Variants in FGF13 observed in about 807,000 individuals in gnomAD.
FGF13 encodes fibroblast growth factor homologous factor 2.
FGF13 carries 2 observed loss-of-function variants against 19.5 expected under a neutral mutation model. That is an observed-to-expected ratio of 0.10 (90% CI 0.04 to 0.32). The LOEUF (loss-of-function observed/expected upper bound fraction) is 0.32, where lower values mean the gene tolerates loss of function less well. Ranked by LOEUF, FGF13 falls within the 10% of genes least tolerant of loss-of-function variation. The pLI is 1.00. For synonymous variants in FGF13, 72 were observed against 76.9 expected (o/e 0.94, Z 0.33); for missense variants, 113 against 192.7 (o/e 0.59, Z 2.45).
chrX:138,852,698 G>T (rs1173427056), downstream of FGF13, among the ~76,000 whole-genome samples: 2 of 111,594 alleles, frequency 1.8e-5, no homozygotes, highest in Non-Finnish European at 3.8e-5. Context: ...AGCAAAAATT[G>T]ACAAATGGGA....
intron 1 of FGF13, among the ~76,000 whole-genome samples, chrX:139,013,564 G>T (rs2092140626): frequency 1.0e-5 from 1 of 97,660 alleles, no homozygotes; most frequent in Admixed American, 1.2e-4. Context: ...AAAAAGGAAT[G>T]AAATATTGGC....
intron 1 of FGF13, among the ~76,000 whole-genome samples, chrX:138,921,729 T>C (rs1222169355): frequency 9.0e-6 from 1 of 111,161 alleles, no homozygotes; most frequent in Non-Finnish European, 1.9e-5. Flanking sequence ...CAGACTTGAC[T>C]GCATTTCAAG....
At chrX:139,042,457 T>C (rs1330890561) in intron 1 of FGF13, among the ~76,000 whole-genome samples, 5 of 111,953 alleles carry the variant, frequency 4.5e-5, no homozygotes, top group African/African-American at 1.6e-4. Flanking sequence ...GCACTCAGTT[T>C]AGGGACAGAT....
intron 1 of FGF13, among the ~76,000 whole-genome samples, chrX:138,873,821 C>T (rs1018843650): frequency 1.2e-4 from 13 of 110,354 alleles, no homozygotes; most frequent in African/African-American, 3.3e-4. Context: ...TACTATGTAG[C>T]CATAAAAAAG....
intron 3 of FGF13, among the ~76,000 whole-genome samples, chrX:138,748,828 TATC>T (rs761145271): frequency 4.5e-5 from 5 of 111,821 alleles, no homozygotes; most frequent in Non-Finnish European, 7.5e-5. Flanking sequence ...TAAGAGTAGA[TATC>T]ATGCTATGCT....
intron 1 of FGF13, among the ~76,000 whole-genome samples, chrX:139,009,080 G>A (rs910077459): frequency 1.8e-5 from 2 of 111,254 alleles, no homozygotes; most frequent in Non-Finnish European, 3.8e-5. Context: ...CAATAGAATC[G>A]AACAAGCAGA....
intron 3 of FGF13, among the ~76,000 whole-genome samples, chrX:138,809,541 AG>A (rs1453256161): frequency 8.9e-6 from 1 of 111,831 alleles, no homozygotes; most frequent in East Asian, 2.8e-4. Context: ...GGCACAAGGC[AG>A]GGAGGCCTTC....
chrX:138,747,149 G>A (rs1268466244), intron 3 of FGF13, among the ~76,000 whole-genome samples: 1 of 111,333 alleles, frequency 9.0e-6, no homozygotes, highest in African/African-American at 3.3e-5. Flanking sequence ...TTCTAAGTCA[G>A]TCAAGAAAAA....
intron 1 of FGF13, among the ~76,000 whole-genome samples, chrX:139,100,302 C>T (rs1030495070): frequency 9.5e-4 from 104 of 109,682 alleles, no homozygotes; most frequent in South Asian, 4.0e-4. Flanking sequence ...CAAATATGTA[C>T]CTCAGGAAGA....
chrX:139,112,261 C>T (rs979934400), intron 1 of FGF13, among the ~76,000 whole-genome samples: 1 of 111,441 alleles, frequency 9.0e-6, no homozygotes, highest in African/African-American at 3.3e-5. Flanking sequence ...ACTTACTTCA[C>T]AGGGCTGCTG....
At chrX:139,094,766 T>C (rs935530787) in intron 1 of FGF13, among the ~76,000 whole-genome samples, 11 of 112,452 alleles carry the variant, frequency 9.8e-5, no homozygotes, top group Admixed American at 5.6e-4. Flanking sequence ...TCAAAAGTCC[T>C]GAGTCTTGAT....
rs145344200 is a variant in FGF13, at chrX:138,635,113, C to T, written c.601+344G>A. 1.3e-4 allele frequency among the ~76,000 whole-genome samples: 15 copies of T among 111,793 alleles called. No individual in the cohort carries two copies. The East Asian group carries it at 1.4e-3, about 11-fold the overall frequency. On this transcript the variant is annotated intron_variant, in intron 4 of 4. Transcript: ENST00000315930. ...TTGCAGCAACTTGGATGGAGCTGGA[C>T]GCCATTATTCGAAGTGAGGTAACTC...
intron 1 of FGF13, among the ~76,000 whole-genome samples, chrX:138,976,291 A>C (rs2091939320): frequency 8.9e-6 from 1 of 111,797 alleles, no homozygotes; most frequent in East Asian, 2.8e-4. Flanking sequence ...ACATACAACA[A>C]ACCTACGTGT....
intron 3 of FGF13, among the ~76,000 whole-genome samples, chrX:138,745,778 C>T (rs190370426): frequency 3.6e-5 from 4 of 111,586 alleles, no homozygotes; most frequent in South Asian, 3.7e-4. Context: ...GTTTGAGACA[C>T]GAGAATAAAT....
chrX:138,649,411 G>A (rs1230189321), intron 3 of FGF13, among the ~76,000 whole-genome samples: 1 of 111,770 alleles, frequency 8.9e-6, no homozygotes, highest in Admixed American at 9.5e-5. Context: ...GTTAAATGCT[G>A]ACTTCCAACT....
chrX:138,811,218 G>A (rs770174995), intron 3 of FGF13, among the ~76,000 whole-genome samples: 1 of 111,721 alleles, frequency 9.0e-6, no homozygotes, highest in African/African-American at 3.3e-5. Context: ...ATGATAGACT[G>A]GATTAAGAAA....
chrX:139,049,777 T>C (rs760332271), intron 1 of FGF13, among the ~76,000 whole-genome samples: 2 of 112,475 alleles, frequency 1.8e-5, no homozygotes, highest in Non-Finnish European at 1.9e-5. Flanking sequence ...CGGAATCCCA[T>C]AGCATTCCTT....
rs1269554169 is a variant in FGF13 at position 138,768,717 on chromosome X, AAG to A, written c.218-59791_218-59790del. On this transcript the variant is annotated intron_variant, in intron 3 of 6. Coordinates refer to the FGF13 transcript ENST00000436198. The stretch of plus-strand genomic sequence containing the variant: ...AAGTATATATTATATATATATATAT[AAG>A]TATATATTATATATATATGATATAT... Among the ~76,000 whole-genome samples the A allele has an allele frequency of 3.5e-3, 345 of 97,871 alleles. 4 individuals are homozygous for A. The highest frequency in any genetic ancestry group is 0.013 in the African/African-American group (326 of 24,304). The allele number at this position is 97,871 out of a possible 115,157, so 85.0% of individuals were successfully genotyped here.
Position 138,876,484 on chromosome X carries a change from T to C in FGF13, c.-112-11834A>G, listed in dbSNP as rs148030834. 7.9e-3 allele frequency among the ~76,000 whole-genome samples: 882 copies of C among 112,350 alleles called. 12 individuals carry two copies. Among genetic ancestry groups the C allele is most frequent in the African/African-American group, 0.028 (854 of 30,983 alleles). The stretch of plus-strand genomic sequence containing the variant: ...CAGGCCTTAAAAAAGTAAGCTGCCA[T>C]GTGAGCAGGCCTACGAGGGGGCCAC... On this transcript the variant is annotated intron_variant, in intron 1 of 2. Transcript: ENST00000421460.
Sources: allele counts gnomAD v4.1 joint callset (sites outside exome capture counted in the v4.1 genomes callset), GRCh38; gene constraint gnomAD v4.1.1; transcripts MANE v1.5; gene names NCBI Gene and HGNC (gene_info 2026-07-23, HGNC 2026-07-21).